The following CDKN2B-AS1 variants were observed in gnomAD, a reference collection of about 807,000 sequenced individuals.
CDKN2B-AS1 encodes CDKN2B antisense RNA 1 (non-protein coding).
intron 4 of CDKN2B-AS1, among the ~76,000 whole-genome samples, chr9:22,122,437 A>G (rs552161052): frequency 3.9e-5 from 6 of 152,074 alleles, no homozygotes; most frequent in African/African-American, 1.2e-4. Flanking sequence ...TGTGTTACCT[A>G]TGTTTTTAAG....
At chr9:22,014,938 A>G (rs915720921) in intron 1 of CDKN2B-AS1, among the ~76,000 whole-genome samples, 3 of 151,866 alleles carry the variant, frequency 2.0e-5, no homozygotes, top group Admixed American at 6.6e-5. Context: ...AAGGACATGA[A>G]CTCATCATTT....
chr9:22,102,084 A>G (rs1317214865), intron 4 of CDKN2B-AS1, among the ~76,000 whole-genome samples: 1 of 152,196 alleles, frequency 6.6e-6, no homozygotes, highest in Non-Finnish European at 1.5e-5. Context: ...CTTAAAATGC[A>G]GGGAATTTAA....
At chr9:22,098,814 A>G (rs887715899) in intron 4 of CDKN2B-AS1, among the ~76,000 whole-genome samples, 4 of 152,202 alleles carry the variant, frequency 2.6e-5, no homozygotes, top group Admixed American at 2.6e-4. Flanking sequence ...TTTCCCCTAC[A>G]CTGTGCTGAC....
intron 4 of CDKN2B-AS1, among the ~76,000 whole-genome samples, chr9:22,091,463 G>A (rs1320124097): frequency 2.0e-5 from 3 of 152,158 alleles, no homozygotes; most frequent in Admixed American, 6.5e-5. Flanking sequence ...CCATGAGCAT[G>A]GAATGTTCTT....
chr9:22,011,039 A>G (rs1349521723), intron 1 of CDKN2B-AS1, among the ~76,000 whole-genome samples: 1 of 152,220 alleles, frequency 6.6e-6, no homozygotes, highest in Non-Finnish European at 1.5e-5. Flanking sequence ...TCGCGAAGCA[A>G]GTTGACTGAA....
At chr9:22,015,238 T>C (rs1050671211) in intron 1 of CDKN2B-AS1, among the ~76,000 whole-genome samples, 1 of 152,190 alleles carries the variant, frequency 6.6e-6, no homozygotes, top group Non-Finnish European at 1.5e-5. Context: ...AGTGTAAAAG[T>C]GTTCCTATTT....
intron 1 of CDKN2B-AS1, among the ~76,000 whole-genome samples, chr9:22,045,565 A>G (rs140938851): frequency 1.3e-4 from 20 of 152,148 alleles, no homozygotes; most frequent in Admixed American, 1.3e-3. Flanking sequence ...TCTAAACATC[A>G]ATGCTTAGGA....
chr9:22,061,659 G>T (rs547889718), intron 4 of CDKN2B-AS1, among the ~76,000 whole-genome samples: 92 of 152,142 alleles, frequency 6.0e-4, no homozygotes, highest in Non-Finnish European at 9.4e-4. Context: ...TTAATACTCA[G>T]AATATTATTA....
intron 4 of CDKN2B-AS1, among the ~76,000 whole-genome samples, chr9:22,057,709 G>A (rs1030631253): frequency 2.0e-5 from 3 of 151,982 alleles, no homozygotes; most frequent in Admixed American, 6.6e-5. Context: ...TCAGGAGGCA[G>A]AGGTGGAGGA....
In CDKN2B-AS1 at chr9:22,047,664, CTT is replaced by C. The variant is rs1268995980; in HGVS notation, n.179+765_179+766del. Among the ~76,000 whole-genome samples, 3 of 152,262 alleles carry C rather than the reference CTT, an allele frequency of 2.0e-5. No homozygotes were observed. In the East Asian group the frequency reaches 5.8e-4, roughly 29 times the overall value. ...GATGTTACACATATACATAACAAAA[CTT>C]AGCTAATTAGATACAAAGACTATAG... On this transcript the variant is annotated intron_variant and non_coding_transcript_variant, in intron 2 of 4. Transcript: ENST00000650946.
At chr9:22,108,813 C>T (rs946631150) in intron 4 of CDKN2B-AS1, among the ~76,000 whole-genome samples, 1 of 152,002 alleles carries the variant, frequency 6.6e-6, no homozygotes, top group African/African-American at 2.4e-5. Context: ...CTACAAACAC[C>T]ACGGAGCAAC....
rs1824519941 is a variant in CDKN2B-AS1, at chr9:22,076,986, A to G, written n.438+20599A>G. Among the ~76,000 whole-genome samples the G allele has an allele frequency of 1.3e-5, 2 of 152,178 alleles. 1 individual carries two copies. The highest frequency in any genetic ancestry group is 4.8e-5 in the African/African-American group (2 of 41,458). On this transcript the variant is annotated intron_variant and non_coding_transcript_variant, in intron 4 of 4. Coordinates refer to ENST00000650946, the Ensembl canonical transcript of CDKN2B-AS1. The stretch of plus-strand genomic sequence containing the variant: ...AGGCATGAGCCATCATGCCTGGCCT[A>G]CAATGCACTAATATTAACTATAGTT...
At chr9:22,051,244 C>T (rs147533221) in intron 3 of CDKN2B-AS1, among the ~76,000 whole-genome samples, 23 of 152,240 alleles carry the variant, frequency 1.5e-4, no homozygotes, top group South Asian at 2.1e-4. Context: ...TCGTCCAATC[C>T]CAATCTCAGA....
rs555843939 is a variant in CDKN2B-AS1, at chr9:22,106,926, CT to C, written n.439-20174del. 1.2e-3 allele frequency among the ~76,000 whole-genome samples: 188 copies of C among 152,276 alleles called. 1 individual carries two copies. Among genetic ancestry groups the C allele is most frequent in the African/African-American group, 4.3e-3 (179 of 41,560 alleles). ...ATGTAAGATCAAACAGGTTAAGAAACTTTCCCAAGTTGATCAGTAGCAAAGA... is the reference window on the plus strand; with the variant it reads ...ATGTAAGATCAAACAGGTTAAGAAACTTCCCAAGTTGATCAGTAGCAAAGA... On this transcript the variant is annotated intron_variant and non_coding_transcript_variant, in intron 4 of 4. Coordinates refer to ENST00000650946, the Ensembl canonical transcript of CDKN2B-AS1.
At chr9:22,123,773 A>T (rs1277024199) in intron 4 of CDKN2B-AS1, among the ~76,000 whole-genome samples, 1 of 152,198 alleles carries the variant, frequency 6.6e-6, no homozygotes, top group Non-Finnish European at 1.5e-5. Context: ...GGACAGAAAT[A>T]GGACAAATGG....
intron 1 of CDKN2B-AS1, chr9:22,012,007 C>G (rs1249046400): frequency 2.1e-6 from 1 of 486,238 alleles, no homozygotes; most frequent in East Asian, 3.6e-5. Context: ...GGCATCCATT[C>G]CAATGTTGCA....
At chr9:22,020,195 G>T (rs2131220864) in intron 1 of CDKN2B-AS1, among the ~76,000 whole-genome samples, 1 of 152,266 alleles carries the variant, frequency 6.6e-6, no homozygotes, top group South Asian at 2.1e-4. Flanking sequence ...CCTGCAAAAG[G>T]ACATGCTATT....
intron 3 of CDKN2B-AS1, among the ~76,000 whole-genome samples, chr9:22,054,618 T>A (rs1408010696): frequency 6.6e-6 from 1 of 151,994 alleles, no homozygotes; most frequent in African/African-American, 2.4e-5. Context: ...AATGATAGGA[T>A]TGAAAATCAA....
At chr9:22,067,539 C>T (rs937473363) in intron 4 of CDKN2B-AS1, among the ~76,000 whole-genome samples, 14 of 151,790 alleles carry the variant, frequency 9.2e-5, no homozygotes, top group African/African-American at 2.4e-4. Flanking sequence ...CACACACACA[C>T]GCACGCACAC....
Sources: gnomAD v4.1 joint callset for allele counts (sites outside exome capture counted in the v4.1 genomes callset) on GRCh38, gnomAD v4.1.1 for gene constraint, MANE v1.5 for transcripts, NCBI Gene and HGNC (gene_info 2026-07-23, HGNC 2026-07-21) for gene names.